Variants in DPP10 observed in about 807,000 individuals in gnomAD.
DPP10 encodes the protein inactive dipeptidyl peptidase 10.
A neutral mutation model predicts 120.9 loss-of-function variants in DPP10; 33 were observed. The observed-to-expected ratio is 0.27, with a 90% CI of 0.21 to 0.37. The LOEUF is 0.37. DPP10 is among the 10% of genes least tolerant of loss of function. The pLI, the probability that DPP10 is intolerant of heterozygous loss-of-function variation, is 1.00. For synonymous variants in DPP10, 337 were observed against 326.1 expected (o/e 1.03, Z -0.36); for missense variants, 816 against 942.8 (o/e 0.87, Z 1.76).
intron 11 of DPP10, among the ~76,000 whole-genome samples, chr2:115,761,970 T>C (rs967730511): frequency 6.6e-6 from 1 of 152,180 alleles, no homozygotes; most frequent in African/African-American, 2.4e-5. Context: ...TCTACACATA[T>C]TTAACGAGGT....
intron 2 of DPP10, among the ~76,000 whole-genome samples, chr2:115,322,754 A>G (rs565034832): frequency 9.3e-4 from 142 of 152,308 alleles, no homozygotes; most frequent in Non-Finnish European, 1.7e-3. Context: ...CAAATCATAC[A>G]ATTTTTTTTT....
At chr2:115,452,492 CT>C (rs2104981718) in intron 3 of DPP10, among the ~76,000 whole-genome samples, 1 of 151,914 alleles carries the variant, frequency 6.6e-6, no homozygotes. Context: ...GGTATAAATG[CT>C]CAAGATAATG....
intron 1 of DPP10, among the ~76,000 whole-genome samples, chr2:114,679,498 G>A (rs937347562): frequency 6.6e-6 from 1 of 151,832 alleles, no homozygotes; most frequent in East Asian, 1.9e-4. Flanking sequence ...TGAGTTGCCT[G>A]TATTTTTTGC....
chr2:114,933,644 A>C (rs1400707660), intron 1 of DPP10, among the ~76,000 whole-genome samples: 3 of 152,256 alleles, frequency 2.0e-5, no homozygotes, highest in Non-Finnish European at 4.4e-5. Flanking sequence ...GCAGAAAAGC[A>C]ACAGCAACAA....
intron 1 of DPP10, among the ~76,000 whole-genome samples, chr2:115,308,866 A>G (rs1258351589): frequency 6.6e-6 from 1 of 151,976 alleles, no homozygotes; most frequent in Non-Finnish European, 1.5e-5. Context: ...GAACATTTAC[A>G]TTTACATCTT....
At chr2:115,432,343 A>G (rs1482660460) in intron 3 of DPP10, among the ~76,000 whole-genome samples, 1 of 152,108 alleles carries the variant, frequency 6.6e-6, no homozygotes, top group African/African-American at 2.4e-5. Flanking sequence ...ATACTTCTTA[A>G]AAGTAAAGAT....
intron 1 of DPP10, among the ~76,000 whole-genome samples, chr2:114,501,391 T>A (rs994633103): frequency 6.4e-4 from 98 of 152,220 alleles, no homozygotes; most frequent in Non-Finnish European, 1.3e-3. Context: ...CCAGCCTTTG[T>A]GTTTTGATGA....
rs193167904 is a variant in DPP10 at position 114,783,649 on chromosome 2, C to T, written c.60+340811C>T. Among the ~76,000 whole-genome samples the T allele has an allele frequency of 4.4e-3, 664 of 152,098 alleles. 5 individuals carry two copies. Among genetic ancestry groups the T allele is most frequent in the African/African-American group, 0.015 (638 of 41,522 alleles). ...CCCAGGAGTTTGAGACCAGCCTGGACAACATGACGAAAACCCATCTCTAAA... is the reference window on the plus strand; with the variant it reads ...CCCAGGAGTTTGAGACCAGCCTGGATAACATGACGAAAACCCATCTCTAAA... On this transcript the variant is annotated intron_variant, in intron 1 of 25. Transcript: ENST00000410059.
At chr2:114,902,345 T>C (rs1693646240) in intron 1 of DPP10, among the ~76,000 whole-genome samples, 1 of 152,220 alleles carries the variant, frequency 6.6e-6, no homozygotes, top group African/African-American at 2.4e-5. Context: ...TCTTTGCTAC[T>C]GTGCTTCAAT....
At chr2:115,178,754 T>G (rs1364040130) in intron 1 of DPP10, among the ~76,000 whole-genome samples, 1 of 152,232 alleles carries the variant, frequency 6.6e-6, no homozygotes, top group Non-Finnish European at 1.5e-5. Context: ...CATGTGTGTA[T>G]GAATATGTAT....
At chr2:115,565,748 GTT>G (rs11327867) in intron 5 of DPP10, among the ~76,000 whole-genome samples, 28 of 138,480 alleles carry the variant, frequency 2.0e-4, no homozygotes, top group East Asian at 6.4e-4. Context: ...GAGGTTATGG[GTT>G]TTTTTTTTTG....
At chr2:115,301,857 C>A (rs552875603) in intron 1 of DPP10, among the ~76,000 whole-genome samples, 21 of 152,034 alleles carry the variant, frequency 1.4e-4, no homozygotes, top group Non-Finnish European at 2.9e-4. Flanking sequence ...AAAACTAACA[C>A]CACACAATAT....
intron 5 of DPP10, among the ~76,000 whole-genome samples, chr2:115,683,091 T>C (rs1434751720): frequency 6.6e-6 from 1 of 151,906 alleles, no homozygotes; most frequent in Non-Finnish European, 1.5e-5. Flanking sequence ...TTTTATAGAT[T>C]TTGTCGTAAA....
At chr2:114,999,959 A>G (rs1701333268) in intron 1 of DPP10, among the ~76,000 whole-genome samples, 1 of 152,168 alleles carries the variant, frequency 6.6e-6, no homozygotes, top group Admixed American at 6.5e-5. Flanking sequence ...TCCCTGAGGA[A>G]ATGCTATGTA....
At chr2:115,016,949 T>C (rs1702687060) in intron 1 of DPP10, among the ~76,000 whole-genome samples, 1 of 150,470 alleles carries the variant, frequency 6.6e-6, no homozygotes, top group African/African-American at 2.4e-5. Flanking sequence ...CAGTAAACTA[T>C]CGCAAGGACA....
chr2:115,031,260 G>C (rs533575605), intron 1 of DPP10, among the ~76,000 whole-genome samples: 4 of 152,260 alleles, frequency 2.6e-5, no homozygotes, highest in Admixed American at 2.6e-4. Flanking sequence ...AGAAAAAAAA[G>C]AGTGTGATAT....
chr2:114,643,944 T>TG (rs1330015753), intron 1 of DPP10, among the ~76,000 whole-genome samples: 1 of 145,148 alleles, frequency 6.9e-6, no homozygotes, highest in Non-Finnish European at 1.5e-5. Context: ...TATTTTTTTT[T>TG]TTTTTTTTGA....
At chr2:114,463,475 C>G (rs952527033) in intron 1 of DPP10, 3 of 152,148 alleles carry the variant, frequency 2.0e-5, no homozygotes, top group African/African-American at 7.2e-5. Context: ...GAGGACAGTG[C>G]TCATGTGCAG....
intron 1 of DPP10, chr2:115,064,847 C>T: frequency 1.5e-6 from 2 of 1,302,966 alleles, no homozygotes; most frequent in Non-Finnish European, 2.0e-6. Flanking sequence ...TTCTTTCTAG[C>T]AGGGTTTCTG....
Sources: gnomAD v4.1 joint callset for allele counts (sites outside exome capture counted in the v4.1 genomes callset) on GRCh38, gnomAD v4.1.1 for gene constraint, MANE v1.5 for transcripts, NCBI Gene and HGNC (gene_info 2026-07-23, HGNC 2026-07-21) for gene names.